Variants in CASP8 observed in about 807,000 individuals in gnomAD.
The protein encoded by CASP8 is caspase 8.
CASP8 carries 24 observed loss-of-function variants against 46.3 expected under a neutral mutation model. The observed-to-expected ratio is 0.52, with a 90% CI of 0.38 to 0.73. CASP8 has a LOEUF of 0.73. Ranked by LOEUF, CASP8 falls within the 30% of genes least tolerant of loss-of-function variation. CASP8 has a pLI of 0.00. For missense variants in CASP8, 460 were observed against 559.0 expected (o/e 0.82, Z 1.79); for synonymous variants, 188 against 200.4 (o/e 0.94, Z 0.52).
At chr2:201,269,418 A>G (rs930253824) in intron 2 of CASP8, 2 of 769,440 alleles carry the variant, frequency 2.6e-6, no homozygotes, top group Non-Finnish European at 2.3e-6. Context: ...CTTATTCATT[A>G]AGGCGCCAGT....
chr2:201,260,788 C>T (rs1196009916), intron 1 of CASP8, among the ~76,000 whole-genome samples, 175 bp downstream of exon 1: 2 of 152,082 alleles, frequency 1.3e-5, no homozygotes, highest in African/African-American at 4.8e-5. Flanking sequence ...GGTAGCAGTC[C>T]CTCTGAGAGC....
At chr2:201,239,944 G>A (rs1327853204) in intron 2 of CASP8, among the ~76,000 whole-genome samples, 1 of 152,194 alleles carries the variant, frequency 6.6e-6, no homozygotes, top group African/African-American at 2.4e-5. Context: ...CAAGGCCCTA[G>A]TTTCAGAGCA....
At chr2:201,245,182 C>A (rs1946456793) in intron 2 of CASP8, among the ~76,000 whole-genome samples, 1 of 152,154 alleles carries the variant, frequency 6.6e-6, no homozygotes, top group Non-Finnish European at 1.5e-5. Flanking sequence ...GGGAATCAAC[C>A]ATCTAAGATC....
intron 2 of CASP8, among the ~76,000 whole-genome samples, chr2:201,245,189 G>A (rs1946457361): frequency 6.6e-6 from 1 of 152,074 alleles, no homozygotes; most frequent in Non-Finnish European, 1.5e-5. Context: ...AACCATCTAA[G>A]ATCTGAAATT....
intron 7 of CASP8, among the ~76,000 whole-genome samples, chr2:201,280,366 G>A (rs1250217467): frequency 3.3e-5 from 5 of 152,300 alleles, no homozygotes; most frequent in South Asian, 2.1e-4. Flanking sequence ...TTCCAAGAAC[G>A]AAATGACGCA....
intron 2 of CASP8, among the ~76,000 whole-genome samples, chr2:201,247,483 AT>A (rs34493196): frequency 0.5 from 67,900 of 137,116 alleles, 16,804 homozygotes; most frequent in Non-Finnish European, 0.57. Context: ...AGCACAACCT[AT>A]TTTTTTTTTT....
exon 2 of CASP8, chr2:201,234,046 G>A (rs553310880): frequency 3.1e-4 from 47 of 152,580 alleles, no homozygotes; most frequent in African/African-American, 1.1e-3. Context: ...CACTTTCTGG[G>A]CACGTGAGGT....
rs1185306535 is a variant in CASP8 at position 201,283,690 on chromosome 2, AC to A, written c.803-1117del. On this transcript the variant is annotated intron_variant, in intron 7 of 8. Transcript: ENST00000673742. ...TCCCGGACGGGGCGGATGGCCGACC[AC>A]CCCCCCCCGCCTCCCTCCCGGACGG... Among the ~76,000 whole-genome samples the A allele has an allele frequency of 2.2e-4, 10 of 45,564 alleles. 2 individuals are homozygous for A. The highest frequency in any genetic ancestry group is 5.4e-4 in the African/African-American group (8 of 14,694). The allele number at this position is 45,564 out of a possible 152,430, so 29.9% of individuals were successfully genotyped here. A position where few individuals can be genotyped will look rare whatever the true frequency, so the allele number is the denominator to read the frequency against.
intron 2 of CASP8, among the ~76,000 whole-genome samples, chr2:201,236,768 G>A (rs1251619055): frequency 6.6e-6 from 1 of 152,096 alleles, no homozygotes; most frequent in Non-Finnish European, 1.5e-5. Context: ...ACCGCACCTA[G>A]TTAATTTTTG....
chr2:201,249,602 T>G (rs888119219), intron 2 of CASP8, among the ~76,000 whole-genome samples: 7 of 152,194 alleles, frequency 4.6e-5, no homozygotes, highest in African/African-American at 1.7e-4. Context: ...CAGATTAGCT[T>G]AATCAGATTG....
intron 2 of CASP8, among the ~76,000 whole-genome samples, chr2:201,234,455 TA>T (rs1271753760): frequency 6.6e-6 from 1 of 152,076 alleles, no homozygotes. Context: ...TATTCTTTTT[TA>T]TTTTTTTTTT....
intron 6 of CASP8, 112 bp downstream of exon 6, chr2:201,275,065 C>A: frequency 2.5e-6 from 2 of 800,488 alleles, no homozygotes; most frequent in South Asian, 1.6e-5. Context: ...CAGAAACTTA[C>A]TGAAAATTTT....
chr2:201,273,058 CTTT>C lies in CASP8; in HGVS notation c.595+131_595+133del, dbSNP rs397826156. The C allele has an allele frequency of 3.6e-3, 2,096 of 588,856 alleles. 1 individual carries two copies. The highest frequency in any genetic ancestry group is 4.3e-3 in the East Asian group (145 of 33,434). 36.5% of individuals were successfully genotyped at this position (588,856 alleles called of 1,614,324 possible). A position where few individuals can be genotyped will look rare whatever the true frequency, so the allele number is the denominator to read the frequency against. On this transcript the variant is annotated intron_variant, in intron 5 of 8. Coordinates refer to ENST00000673742, the MANE Select transcript of CASP8 (RefSeq NM_001372051.1). ...TCTTAACGTGCCTGCTCTACTTTTT[CTTT>C]TTTTTTTTTTTTTTGTGAGACAGTT...
intron 2 of CASP8, among the ~76,000 whole-genome samples, chr2:201,234,958 G>A (rs1300587138): frequency 6.6e-6 from 1 of 152,132 alleles, no homozygotes. Flanking sequence ...ACCTTCACAT[G>A]CAGGAGTCAC....
upstream of CASP8, among the ~76,000 whole-genome samples, chr2:201,257,622 G>T (rs1422534833): frequency 3.3e-5 from 5 of 152,216 alleles, no homozygotes; most frequent in African/African-American, 1.2e-4. Context: ...GGCCAAGGAT[G>T]GGAACTCAGC....
intron 7 of CASP8, chr2:201,281,873 A>T (rs775598901): frequency 6.7e-7 from 1 of 1,484,064 alleles, no homozygotes; most frequent in South Asian, 1.2e-5. Flanking sequence ...AAATATTAGA[A>T]GCCTGCAGAA....
rs901084646 is a variant in CASP8, at chr2:201,286,583, C to T, written c.1429C>T (p.Pro477Ser). 1.2e-6 allele frequency: 2 copies of T among 1,613,538 alleles called. No homozygotes were observed. The highest frequency in any genetic ancestry group is 1.3e-5 in the African/African-American group (1 of 74,866). The stretch of plus-strand genomic sequence containing the variant: ...CACACTAAGAAAAAAACTTGTCTTC[C>T]CTTCTGATTGATGGTGCTATTTTGT... ...TFTLRKKLVF[P>S]SD The change falls in exon 9 of 9, where the codon CCT becomes TCT. Residue 477 changes from proline to serine, a missense_variant. Physicochemically the swap from Pro to Ser is moderately conservative, Grantham distance 74. Coordinates refer to ENST00000673742, the MANE Select transcript of CASP8 (RefSeq NM_001372051.1).
chr2:201,256,371 G>C (rs1947018248), upstream of CASP8, among the ~76,000 whole-genome samples: 1 of 152,222 alleles, frequency 6.6e-6, no homozygotes, highest in Non-Finnish European at 1.5e-5. Flanking sequence ...ACCAATCGTA[G>C]CATCCACTTC....
chr2:201,256,437 G>A (rs866413724), upstream of CASP8, among the ~76,000 whole-genome samples: 12 of 152,342 alleles, frequency 7.9e-5, no homozygotes, highest in Middle Eastern at 3.4e-3. Flanking sequence ...TCTGGCATAC[G>A]CCAATGGTTT....
Sources: allele counts gnomAD v4.1 joint callset (sites outside exome capture counted in the v4.1 genomes callset), GRCh38; gene constraint gnomAD v4.1.1; transcripts MANE v1.5; gene names NCBI Gene and HGNC (gene_info 2026-07-23, HGNC 2026-07-21).